JPH3: variants seen among roughly 807,000 people sequenced by gnomAD.
JPH3 encodes junctophilin 3.
JPH3 carries 11 observed loss-of-function variants against 59.6 expected under a neutral mutation model. That is an observed-to-expected ratio of 0.18 (90% CI 0.12 to 0.31). The LOEUF is 0.31. JPH3 is among the 10% of genes least tolerant of loss of function. JPH3 has a pLI of 1.00. For synonymous variants in JPH3, 673 were observed against 483.6 expected (o/e 1.39, Z -5.14); for missense variants, 1,202 against 1,105.7 (o/e 1.09, Z -1.24).
At chr16:87,662,480 T>C (rs1389590126) in intron 2 of JPH3, among the ~76,000 whole-genome samples, 2 of 152,104 alleles carry the variant, frequency 1.3e-5, no homozygotes, top group African/African-American at 4.8e-5. Context: ...TGTGGTTGTT[T>C]ATAGTGGAAT....
chr16:87,671,715 C>G (rs2033020588), intron 2 of JPH3, among the ~76,000 whole-genome samples: 1 of 152,142 alleles, frequency 6.6e-6, no homozygotes, highest in Non-Finnish European at 1.5e-5. Flanking sequence ...GGTGTTGCCG[C>G]ATCCTCCCTG....
intron 2 of JPH3, among the ~76,000 whole-genome samples, chr16:87,646,099 C>G (rs896509800): frequency 6.6e-6 from 1 of 152,152 alleles, no homozygotes; most frequent in African/African-American, 2.4e-5. Context: ...GGCACGTTCC[C>G]CTGCGTCTTT....
At position 87,684,397 on chromosome 16, in the gene JPH3, C is replaced by A. The variant is rs540583309; in HGVS notation, c.1285+131C>A. 14 of 1,389,498 alleles carry A rather than the reference C, an allele frequency of 1.0e-5. No homozygotes were observed. In the African/African-American group the frequency reaches 1.9e-4, roughly 19 times the overall value. 86.1% of individuals were successfully genotyped at this position (1,389,498 alleles called of 1,614,324 possible). A position where few individuals can be genotyped will look rare whatever the true frequency, so the allele number is the denominator to read the frequency against. On this transcript the variant is annotated intron_variant, in intron 3 of 4. Coordinates refer to ENST00000284262, the MANE Select transcript of JPH3 (RefSeq NM_020655.4). The stretch of plus-strand genomic sequence containing the variant: ...GCTCAGCCCCAGCTGCTCCCCTGCC[C>A]GGTGTCTTCCTCTCCCGCCGAAGGT...
At chr16:87,675,612 C>G (rs1168460484) in intron 2 of JPH3, among the ~76,000 whole-genome samples, 1 of 152,222 alleles carries the variant, frequency 6.6e-6, no homozygotes, top group Admixed American at 6.5e-5. Flanking sequence ...CACACTCCCC[C>G]TCTGGCTTTT....
intron 2 of JPH3, among the ~76,000 whole-genome samples, chr16:87,658,392 T>G (rs1263753929): frequency 6.8e-6 from 1 of 147,162 alleles, no homozygotes; most frequent in East Asian, 2.0e-4. Flanking sequence ...CCCTTTCTCT[T>G]TTCCTCCCTC....
chr16:87,692,726 G>A (rs182583003), intron 4 of JPH3, among the ~76,000 whole-genome samples: 264 of 152,364 alleles, frequency 1.7e-3, no homozygotes, highest in African/African-American at 5.9e-3. Context: ...GGCCCTGGCT[G>A]TTTCCCTCTT....
At chr16:87,628,625 T>C (rs1329346705) in intron 1 of JPH3, among the ~76,000 whole-genome samples, 1 of 152,154 alleles carries the variant, frequency 6.6e-6, no homozygotes, top group Non-Finnish European at 1.5e-5. Flanking sequence ...CACTCGGTGT[T>C]GGCATCTGTA....
chr16:87,644,703 C>T lies in JPH3; in HGVS notation c.828C>T (p.Ile276=), dbSNP rs571536520. The change falls in exon 2 of 5, where the codon ATC becomes ATT. Residue 276 remains isoleucine, a synonymous_variant. Coordinates refer to ENST00000284262, the MANE Select transcript of JPH3 (RefSeq NM_020655.4). The part of the protein sequence containing the change: ...LGEAEAELAV[I]EDDIDATTTE... The stretch of plus-strand genomic sequence containing the variant: ...AGGCTGAGGCCGAGCTGGCGGTCAT[C>T]GAGGACGACATCGACGCCACCACCA... 6.7e-5 allele frequency: 108 copies of T among 1,612,244 alleles called. No homozygotes were observed. The highest frequency in any genetic ancestry group is 4.9e-4 in the South Asian group (45 of 91,066).
chr16:87,647,281 C>A (rs2032184110), intron 2 of JPH3, among the ~76,000 whole-genome samples: 1 of 151,966 alleles, frequency 6.6e-6, no homozygotes, highest in African/African-American at 2.4e-5. Flanking sequence ...GTGGGCACGG[C>A]TCCTACTGAG....
chr16:87,622,926 G>T (rs1006198614), intron 1 of JPH3, among the ~76,000 whole-genome samples: 2 of 152,146 alleles, frequency 1.3e-5, no homozygotes, highest in East Asian at 3.8e-4. Flanking sequence ...TGGGGTCCCA[G>T]GGTCTCAGAG....
intron 1 of JPH3, among the ~76,000 whole-genome samples, chr16:87,623,398 G>A (rs2031260380): frequency 1.3e-5 from 2 of 152,208 alleles, no homozygotes; most frequent in South Asian, 2.1e-4. Context: ...GCCAGGGCAG[G>A]ACCTGGGGTA....
rs1358625264 is a variant in JPH3, at chr16:87,615,259, C to T, written c.382+11731C>T. Among the ~76,000 whole-genome samples the T allele has an allele frequency of 4.6e-5, 7 of 152,146 alleles. No homozygotes were observed. In the East Asian group the frequency reaches 5.8e-4, roughly 13 times the overall value. ...TTGCCCAGTGAGTAGAAAAATAGGCCGGGATCAGCAGATTCCTATAGACCT... is the reference window on the plus strand; with the variant it reads ...TTGCCCAGTGAGTAGAAAAATAGGCTGGGATCAGCAGATTCCTATAGACCT... On this transcript the variant is annotated intron_variant, in intron 1 of 4. Transcript: ENST00000284262.
intron 1 of JPH3, among the ~76,000 whole-genome samples, chr16:87,637,335 T>C (rs825582): frequency 0.23 from 35,066 of 151,934 alleles, 4,277 homozygotes; most frequent in Non-Finnish European, 0.28. Flanking sequence ...CAGCCATTCC[T>C]GCTCCTCCCC....
intron 1 of JPH3, among the ~76,000 whole-genome samples, chr16:87,613,913 C>T (rs1010787837): frequency 6.6e-6 from 1 of 152,218 alleles, no homozygotes; most frequent in African/African-American, 2.4e-5. Context: ...GTCACACTCG[C>T]TGAGATCACA....
intron 2 of JPH3, among the ~76,000 whole-genome samples, chr16:87,681,634 C>G (rs868374291): frequency 5.3e-3 from 411 of 77,798 alleles, no homozygotes; most frequent in African/African-American, 9.6e-3. Flanking sequence ...TGCGCGCGGT[C>G]GTGACAGTGC....
intron 1 of JPH3, among the ~76,000 whole-genome samples, chr16:87,607,163 A>G (rs980937398): frequency 3.3e-5 from 5 of 152,224 alleles, no homozygotes; most frequent in African/African-American, 7.2e-5. Flanking sequence ...ACAGACGGGC[A>G]AACCCATACA....
chr16:87,620,621 T>G (rs530254326), intron 1 of JPH3, among the ~76,000 whole-genome samples: 14 of 152,198 alleles, frequency 9.2e-5, no homozygotes, highest in African/African-American at 3.4e-4. Flanking sequence ...CCTTCCAGGT[T>G]TTGATGGTGC....
rs979583930 is a variant in JPH3 at position 87,697,544 on chromosome 16, G to C, written c.*884G>C. Reference sequence around the variant, plus strand: ...GTGCAGGGTGGACGCGTGGGGTTCCGTGTCCCCAGCAGTGAGGGCCCTAGA... The same window carrying C: ...GTGCAGGGTGGACGCGTGGGGTTCCCTGTCCCCAGCAGTGAGGGCCCTAGA... On this transcript the variant is annotated 3_prime_UTR_variant, in exon 5 of 5. Coordinates refer to ENST00000284262, the MANE Select transcript of JPH3 (RefSeq NM_020655.4). The C allele has an allele frequency of 6.6e-6, 1 of 152,442 alleles. No homozygotes were observed. The highest frequency in any genetic ancestry group is 6.5e-5 in the Admixed American group (1 of 15,282). 9.4% of individuals were successfully genotyped at this position (152,442 alleles called of 1,614,324 possible). A position where few individuals can be genotyped will look rare whatever the true frequency, so the allele number is the denominator to read the frequency against.
At chr16:87,655,534 T>C (rs2032471302) in intron 2 of JPH3, among the ~76,000 whole-genome samples, 1 of 152,144 alleles carries the variant, frequency 6.6e-6, no homozygotes. Context: ...TTTTATGTCT[T>C]GTAGAGATGG....
Sources: gnomAD v4.1 joint callset for allele counts (sites outside exome capture counted in the v4.1 genomes callset) on GRCh38, gnomAD v4.1.1 for gene constraint, MANE v1.5 for transcripts, NCBI Gene and HGNC (gene_info 2026-07-23, HGNC 2026-07-21) for gene names.